The following ARID1B variants were observed in gnomAD, a reference collection of about 807,000 sequenced individuals.
The protein encoded by ARID1B is AT-rich interaction domain 1B.
ARID1B carries 30 observed loss-of-function variants against 212.3 expected under a neutral mutation model. The observed-to-expected ratio is 0.14, with a 90% CI of 0.11 to 0.19. The LOEUF is 0.19. Among genes scored for constraint, ARID1B ranks in the 10% least tolerant of loss-of-function variants. The pLI, the probability that ARID1B is intolerant of heterozygous loss-of-function variation, is 1.00. For synonymous variants in ARID1B, 1,402 were observed against 1,301.7 expected (o/e 1.08, Z -1.66); for missense variants, 2,891 against 3,204.0 (o/e 0.90, Z 2.36).
At chr6:157,132,935 C>G in intron 6 of ARID1B, 93 bp from the exon 7 acceptor site, 1 of 1,362,206 alleles carries the variant, frequency 7.3e-7, no homozygotes, top group South Asian at 1.5e-5. Context: ...GCCTTCTCCC[C>G]TGCCACCTGC....
chr6:157,070,773 G>T lies in ARID1B; in HGVS notation c.2248-13889G>T, dbSNP rs564504239. Among the ~76,000 whole-genome samples, 6 of 152,264 alleles carry T rather than the reference G, an allele frequency of 3.9e-5. No homozygotes were observed. In the South Asian group the frequency reaches 1.0e-3, roughly 26 times the overall value. On this transcript the variant is annotated intron_variant, in intron 4 of 19. Transcript: ENST00000636930. ...TTTATTTACGAGCATGTGAATTTTT[G>T]AGGAGGAACTCTTACACTTAAATGA...
chr6:156,886,917 A>G (rs1438849908), intron 2 of ARID1B, among the ~76,000 whole-genome samples: 1 of 152,198 alleles, frequency 6.6e-6, no homozygotes, highest in Non-Finnish European at 1.5e-5. Flanking sequence ...ACTATGATCC[A>G]GGGAACAAGC....
intron 3 of ARID1B, among the ~76,000 whole-genome samples, chr6:156,934,389 C>T (rs1447849010): frequency 6.6e-6 from 1 of 152,100 alleles, no homozygotes; most frequent in African/African-American, 2.4e-5. Flanking sequence ...TATTTCAGCA[C>T]AATGCTGAAA....
intron 6 of ARID1B, among the ~76,000 whole-genome samples, chr6:157,122,798 C>T (rs1231509229): frequency 6.6e-6 from 1 of 152,178 alleles, no homozygotes; most frequent in Non-Finnish European, 1.5e-5. Context: ...CCTGCCTCAG[C>T]CTCCCAAGTA....
chr6:157,165,554 T>TA (rs71841654), intron 8 of ARID1B, among the ~76,000 whole-genome samples: 100 of 149,054 alleles, frequency 6.7e-4, no homozygotes, highest in East Asian at 3.1e-3. Context: ...ACAGTATATT[T>TA]AAAAAAAAAA....
At chr6:156,896,235 C>T (rs1406788699) in intron 2 of ARID1B, among the ~76,000 whole-genome samples, 3 of 152,076 alleles carry the variant, frequency 2.0e-5, no homozygotes, top group Non-Finnish European at 4.4e-5. Context: ...GGCGCATGGC[C>T]GGGTCATGGG....
chr6:156,818,085 A>G (rs1782092555), intron 1 of ARID1B, among the ~76,000 whole-genome samples: 1 of 117,212 alleles, frequency 8.5e-6, no homozygotes, highest in Non-Finnish European at 1.8e-5. Flanking sequence ...TATATGTTGA[A>G]TTTAGTTGCC....
At chr6:156,914,887 C>T (rs1003087144) in intron 3 of ARID1B, among the ~76,000 whole-genome samples, 1 of 150,116 alleles carries the variant, frequency 6.7e-6, no homozygotes, top group Non-Finnish European at 1.5e-5. Context: ...CTATCAAGCC[C>T]ACTTTTTTTT....
At chr6:156,815,010 C>T (rs531030993) in intron 1 of ARID1B, among the ~76,000 whole-genome samples, 3 of 152,098 alleles carry the variant, frequency 2.0e-5, no homozygotes, top group Admixed American at 2.0e-4. Flanking sequence ...GTGTATGTAA[C>T]AATAATATTC....
At chr6:156,807,363 G>A (rs555659141) in intron 1 of ARID1B, among the ~76,000 whole-genome samples, 54 of 151,932 alleles carry the variant, frequency 3.6e-4, no homozygotes, top group African/African-American at 1.2e-3. Context: ...TTTACTGCCC[G>A]CCATCTAGTT....
chr6:157,154,833 G>A (rs1479789608), intron 8 of ARID1B, among the ~76,000 whole-genome samples: 1 of 151,740 alleles, frequency 6.6e-6, no homozygotes, highest in Non-Finnish European at 1.5e-5. Flanking sequence ...CACCCGCCTC[G>A]GCCTCCCAAA....
intron 4 of ARID1B, among the ~76,000 whole-genome samples, chr6:157,016,863 C>T (rs1272407120): frequency 6.6e-6 from 1 of 152,124 alleles, no homozygotes; most frequent in Admixed American, 6.5e-5. Context: ...TCAATTGGCC[C>T]ATGGAAAACT....
chr6:156,937,631 AG>A (rs1792357442), intron 4 of ARID1B: 2 of 152,248 alleles, frequency 1.3e-5, no homozygotes, highest in African/African-American at 4.8e-5. Flanking sequence ...GAAGTATTGT[AG>A]TTTCAGATAA....
chr6:157,005,879 C>T (rs534422061), intron 4 of ARID1B, among the ~76,000 whole-genome samples: 8 of 152,172 alleles, frequency 5.3e-5, no homozygotes, highest in Non-Finnish European at 1.2e-4. Flanking sequence ...TCTGGGGTCG[C>T]TTTCCATTAA....
intron 2 of ARID1B, among the ~76,000 whole-genome samples, chr6:156,854,126 G>GTTATGA (rs2128112946): frequency 6.6e-6 from 1 of 152,246 alleles, no homozygotes; most frequent in East Asian, 1.9e-4. Flanking sequence ...TGGTGAGAAC[G>GTTATGA]TTATGAATGT....
chr6:156,976,560 AAAAG>A, intron 4 of ARID1B: 2 of 217,220 alleles, frequency 9.2e-6, no homozygotes, highest in Admixed American at 5.8e-5. Context: ...TCAGTGGACA[AAAAG>A]AAAGAAAGGG....
At chr6:156,910,134 G>C (rs1562478677) in intron 3 of ARID1B, among the ~76,000 whole-genome samples, 1 of 152,190 alleles carries the variant, frequency 6.6e-6, no homozygotes, top group Non-Finnish European at 1.5e-5. Flanking sequence ...GTAATGTTTG[G>C]TTGTCCCACA....
intron 3 of ARID1B, among the ~76,000 whole-genome samples, chr6:156,905,250 G>GCACGCACACACACACACA (rs1554265936): frequency 9.0e-5 from 13 of 143,730 alleles, no homozygotes; most frequent in East Asian, 6.1e-4. Flanking sequence ...ACATATGCAC[G>GCACGCACACACACACACA]CACACACACA....
At chr6:156,917,155 G>A (rs546057758) in intron 3 of ARID1B, among the ~76,000 whole-genome samples, 1 of 152,138 alleles carries the variant, frequency 6.6e-6, no homozygotes, top group Non-Finnish European at 1.5e-5. Context: ...AGAGAGTATG[G>A]ATCTTTTTAA....
Sources: allele counts gnomAD v4.1 joint callset (sites outside exome capture counted in the v4.1 genomes callset), GRCh38; gene constraint gnomAD v4.1.1; transcripts MANE v1.5; gene names NCBI Gene and HGNC (gene_info 2026-07-23, HGNC 2026-07-21).